ADAMTS19: variants seen among roughly 807,000 people sequenced by gnomAD.
ADAMTS19 encodes the protein A disintegrin and metalloproteinase with thrombospondin motifs 19.
A neutral mutation model predicts 153.3 loss-of-function variants in ADAMTS19; 93 were observed. That is an observed-to-expected ratio of 0.61 (90% CI 0.51 to 0.72). ADAMTS19 has a LOEUF of 0.72. ADAMTS19 is among the 30% of genes least tolerant of loss of function. ADAMTS19 has a pLI of 0.00. For synonymous variants in ADAMTS19, 600 were observed against 556.6 expected, an observed-to-expected ratio of 1.08 and a Z score of -1.10; for missense variants, 1,482 against 1,552.1, an observed-to-expected ratio of 0.95 and a Z score of 0.76.
intron 21 of ADAMTS19, among the ~76,000 whole-genome samples, chr5:129,724,829 G>A (rs1237111052): frequency 6.6e-6 from 1 of 152,078 alleles, no homozygotes; most frequent in Non-Finnish European, 1.5e-5. Context: ...GGAAGAAGCT[G>A]GCCACCCCAC....
intron 6 of ADAMTS19, among the ~76,000 whole-genome samples, chr5:129,539,849 C>T (rs1011275336): frequency 6.6e-6 from 1 of 152,028 alleles, no homozygotes; most frequent in Non-Finnish European, 1.5e-5. Flanking sequence ...ACTTGTGGGA[C>T]AAGGCTTCTG....
chr5:129,694,995 T>C, intron 19 of ADAMTS19, 140 bp downstream of exon 19: 1 of 1,123,378 alleles, frequency 8.9e-7, no homozygotes. Context: ...AAGTCTTAAA[T>C]AAGCAAGATC....
At chr5:129,634,521 C>G (rs77752231) in intron 10 of ADAMTS19, among the ~76,000 whole-genome samples, 1 of 152,150 alleles carries the variant, frequency 6.6e-6, no homozygotes, top group African/African-American at 2.4e-5. Context: ...TGTTACCTGA[C>G]TTCAAACTAT....
chr5:129,565,621 A>T (rs1426517112), intron 7 of ADAMTS19, among the ~76,000 whole-genome samples: 2 of 152,118 alleles, frequency 1.3e-5, no homozygotes, highest in Non-Finnish European at 2.9e-5. Context: ...ATATTCTTTA[A>T]ATGTTTTCCT....
At chr5:129,587,570 T>C (rs1277579130) in intron 7 of ADAMTS19, among the ~76,000 whole-genome samples, 2 of 152,166 alleles carry the variant, frequency 1.3e-5, no homozygotes, top group East Asian at 1.9e-4. Context: ...ATGATCTAAT[T>C]TGGGACTGTA....
intron 7 of ADAMTS19, among the ~76,000 whole-genome samples, chr5:129,590,108 G>C (rs1420732435): frequency 6.6e-6 from 1 of 151,858 alleles, no homozygotes; most frequent in African/African-American, 2.4e-5. Context: ...GCATTTTCAG[G>C]CTTTTTGATT....
At chr5:129,491,087 C>T (rs551697659) in intron 2 of ADAMTS19, among the ~76,000 whole-genome samples, 53 of 152,198 alleles carry the variant, frequency 3.5e-4, no homozygotes, top group Admixed American at 3.3e-3. Flanking sequence ...CTGCAAGCTC[C>T]ACCTCCCAGG....
chr5:129,731,958 A>C (rs1212059265), intron 21 of ADAMTS19, among the ~76,000 whole-genome samples: 1 of 152,126 alleles, frequency 6.6e-6, no homozygotes, highest in Non-Finnish European at 1.5e-5. Flanking sequence ...AAACACAAGC[A>C]CATTTCCCCT....
chr5:129,578,597 C>G (rs1180975165), intron 7 of ADAMTS19, among the ~76,000 whole-genome samples: 1 of 151,848 alleles, frequency 6.6e-6, no homozygotes, highest in African/African-American at 2.4e-5. Context: ...CCTCCCTTAA[C>G]CCCCACCCCT....
At chr5:129,536,808 A>G (rs1225381968) in intron 6 of ADAMTS19, among the ~76,000 whole-genome samples, 1 of 152,054 alleles carries the variant, frequency 6.6e-6, no homozygotes, top group Non-Finnish European at 1.5e-5. Context: ...AACTATCACA[A>G]GGACAAAAAC....
intron 21 of ADAMTS19, among the ~76,000 whole-genome samples, chr5:129,726,737 C>T (rs951760662): frequency 2.0e-5 from 3 of 152,096 alleles, no homozygotes; most frequent in Admixed American, 6.5e-5. Context: ...GTTTGTCTGT[C>T]CTTATGGGGC....
intron 2 of ADAMTS19, among the ~76,000 whole-genome samples, chr5:129,462,081 C>G (rs1749694013): frequency 6.6e-6 from 1 of 152,226 alleles, no homozygotes; most frequent in Non-Finnish European, 1.5e-5. Context: ...GTTTTCCAAA[C>G]TAAGCGCTCC....
intron 2 of ADAMTS19, among the ~76,000 whole-genome samples, chr5:129,468,710 TTGAG>T (rs1561528433): frequency 6.6e-6 from 1 of 152,096 alleles, no homozygotes; most frequent in Admixed American, 6.6e-5. Flanking sequence ...TATGGTGAGG[TTGAG>T]TGTCTTTATA....
At chr5:129,534,696 C>G (rs1428880175) in intron 6 of ADAMTS19, among the ~76,000 whole-genome samples, 1 of 152,174 alleles carries the variant, frequency 6.6e-6, no homozygotes, top group Non-Finnish European at 1.5e-5. Flanking sequence ...CAAACCGAAT[C>G]CAGCAGCACA....
chr5:129,585,239 C>T (rs1749722401), intron 7 of ADAMTS19, among the ~76,000 whole-genome samples: 1 of 151,504 alleles, frequency 6.6e-6, no homozygotes, highest in Non-Finnish European at 1.5e-5. Flanking sequence ...ACTGTCTAAC[C>T]AGTCCCAGTG....
Position 129,528,599 on chromosome 5 carries a change from A to G in ADAMTS19, c.1250A>G (p.Lys417Arg), listed in dbSNP as rs546250661. Reference sequence around the variant, plus strand: ...TGGCAACATGAAGAATTTGGCAAAAAGAATGATATACATTTAGAGATGTCA... The same window carrying G: ...TGGCAACATGAAGAATTTGGCAAAAGGAATGATATACATTTAGAGATGTCA... ...CKWQHEEFGK[K>R]NDIHLEMSTN... Residue 417 changes from lysine to arginine, a missense_variant, in exon 6 of 23, where the codon AAG becomes AGG. Physicochemically the swap from Lys to Arg is conservative, Grantham distance 26. Coordinates refer to ENST00000274487, the MANE Select transcript of ADAMTS19 (RefSeq NM_133638.6). The G allele has an allele frequency of 1.5e-5, 24 of 1,608,670 alleles. No homozygotes were observed. In the East Asian group the frequency reaches 4.7e-4, roughly 32 times the overall value.
chr5:129,530,870 C>T (rs1752177064), intron 6 of ADAMTS19, among the ~76,000 whole-genome samples: 1 of 151,296 alleles, frequency 6.6e-6, no homozygotes, highest in South Asian at 2.1e-4. Context: ...AAAAATGTCT[C>T]TTATTCACAG....
At chr5:129,532,448 T>C (rs1293303583) in intron 6 of ADAMTS19, among the ~76,000 whole-genome samples, 2 of 152,030 alleles carry the variant, frequency 1.3e-5, no homozygotes, top group East Asian at 3.9e-4. Context: ...AAATTGAAAA[T>C]ACTCAATGAT....
At chr5:129,678,699 A>G (rs1484192171) in intron 16 of ADAMTS19, among the ~76,000 whole-genome samples, 1 of 152,164 alleles carries the variant, frequency 6.6e-6, no homozygotes, top group East Asian at 1.9e-4. Flanking sequence ...TAAATGTTCA[A>G]TTTATTTATT....
Sources: gnomAD v4.1 joint callset for allele counts (sites outside exome capture counted in the v4.1 genomes callset) on GRCh38, gnomAD v4.1.1 for gene constraint, MANE v1.5 for transcripts, NCBI Gene and HGNC (gene_info 2026-07-23, HGNC 2026-07-21) for gene names.